The following ALG12 variants were observed in gnomAD, a reference collection of about 807,000 sequenced individuals.
The protein encoded by ALG12 is ALG12 alpha-1,6-mannosyltransferase.
In ALG12, 36 loss-of-function variants were observed where a neutral mutation model predicts 46.0. The observed-to-expected ratio is 0.78, with a 90% CI of 0.60 to 1.03. The LOEUF (loss-of-function observed/expected upper bound fraction) is 1.03. ALG12 is among the 50% of genes least tolerant of loss of function. ALG12 has a pLI of 0.00. For missense variants in ALG12, 599 were observed against 633.5 expected, an observed-to-expected ratio of 0.95 and a Z score of 0.58; for synonymous variants, 326 against 291.6, an observed-to-expected ratio of 1.12 and a Z score of -1.20.
At chr22:49,890,804 C>T in the ALG12 span, among the ~76,000 whole-genome samples, 1 of 152,256 alleles carries the variant, frequency 6.6e-6, no homozygotes, top group African/African-American at 2.4e-5. Flanking sequence ...ATCACGAGGT[C>T]AGGAAATCGA....
intron 3 of ALG12, 56 bp from the exon 4 acceptor site, chr22:49,910,663 C>T: frequency 4.4e-6 from 7 of 1,603,734 alleles, no homozygotes; most frequent in Non-Finnish European, 6.0e-6. Flanking sequence ...TCCAGTGGGG[C>T]CCCCTACGTG....
At chr22:49,886,174 G>A in the ALG12 span, 5 of 704,464 alleles carry the variant, frequency 7.1e-6, no homozygotes, top group Admixed American at 2.3e-5. This position sits in a 1 kb window ranked among gnomAD's most constrained non-coding sequence, Gnocchi z 7.7. Context: ...GATCGTCAGC[G>A]AGGCCATTAA....
intron 7 of ALG12, among the ~76,000 whole-genome samples, chr22:49,907,190 C>T (rs571807592): frequency 7.2e-5 from 11 of 152,326 alleles, no homozygotes; most frequent in Middle Eastern, 3.4e-3. Flanking sequence ...TGGCCACGAA[C>T]GCCCTTCCTC....
chr22:49,885,129 G>A, the ALG12 span: 4 of 1,614,082 alleles, frequency 2.5e-6, no homozygotes, highest in Non-Finnish European at 3.4e-6. Flanking sequence ...GGGGGAAGAA[G>A]GGTGATGTGG....
chr22:49,913,479 C>T lies in ALG12; in HGVS notation c.201G>A (p.Thr67=), dbSNP rs374597024. The change falls in exon 3 of 10, where the codon ACG becomes ACA. Residue 67 remains threonine, a synonymous_variant. Coordinates refer to ENST00000330817, the MANE Select transcript of ALG12 (RefSeq NM_024105.4). ...CTGCGATCACCACTGGCCCGAGGAA[C>T]GTCCTGGGGACGACTCCGGGGAACT... ...HLEFPGVVPR[T]FLGPVVIAVF... The T allele has an allele frequency of 8.7e-6, 14 of 1,613,992 alleles. No individual in the cohort carries two copies. The highest frequency in any genetic ancestry group is 1.3e-5 in the African/African-American group (1 of 75,080).
In ALG12 at chr22:49,905,585, G is replaced by A. The variant is rs1157606733; in HGVS notation, c.993-1079C>T. 4.6e-5 allele frequency among the ~76,000 whole-genome samples: 7 copies of A among 152,244 alleles called. No individual in the cohort carries two copies. The East Asian group carries it at 9.7e-4, about 21-fold the overall frequency. On this transcript the variant is annotated intron_variant, in intron 7 of 9. Transcript: ENST00000330817. This position sits in a 1 kb window ranked among gnomAD's most constrained non-coding sequence, Gnocchi z 4.9. ...GGTGACACCTCCCCCGTCCCTCTTCGTCCTGCTTTGGCCACATAAAAGCGT... is the reference window on the plus strand; with the variant it reads ...GGTGACACCTCCCCCGTCCCTCTTCATCCTGCTTTGGCCACATAAAAGCGT...
At position 49,907,937 on chromosome 22, in the gene ALG12, G is replaced by A. The variant is rs149109851; in HGVS notation, c.776C>T (p.Pro259Leu). The change falls in exon 7 of 10, where the codon CCG becomes CTG. Residue 259 changes from proline (P) to leucine (L), a missense_variant. By Grantham distance (98) the Pro-to-Leu change is moderately conservative (BLOSUM62 -3). Transcript: ENST00000330817. ...GGCTGAGTAGAAGTACCACAGCAGC[G>A]GGGAGGTCTGCGGGCTGGGTTAAGG... ...LNKSSNWGTS[P>L]LLWYFYSALP... 16 of 1,612,196 alleles carry A rather than the reference G, an allele frequency of 9.9e-6. No homozygotes were observed. The African/African-American group carries it at 1.2e-4, about 12-fold the overall frequency.
At chr22:49,909,700 G>A (rs1351462363) in intron 5 of ALG12, among the ~76,000 whole-genome samples, 194 bp downstream of exon 5, 1 of 152,238 alleles carries the variant, frequency 6.6e-6, no homozygotes, top group African/African-American at 2.4e-5. Flanking sequence ...CCAGTGAACA[G>A]GGGCTCCTAA....
At chr22:49,862,486 C>G in the ALG12 span, among the ~76,000 whole-genome samples, 1 of 152,100 alleles carries the variant, frequency 6.6e-6, no homozygotes, top group African/African-American at 2.4e-5. Context: ...AAATCAGTGT[C>G]TAGCGTAATG....
rs1380952174 is a variant in ALG12 at position 49,902,958 on chromosome 22, G to A, written c.*880C>T. 3.2e-6 allele frequency: 1 copy of A among 309,678 alleles called. No homozygotes were observed. The highest frequency in any genetic ancestry group is 5.0e-5 in the Admixed American group (1 of 19,826). The allele number at this position is 309,678 out of a possible 1,614,324, so 19.2% of individuals were successfully genotyped here. Reference sequence around the variant, plus strand: ...GGTGTGTGGTGTGTATGCATGGTGTGTGCACGTGTGCACTGTGTGCATGCG... The same window carrying A: ...GGTGTGTGGTGTGTATGCATGGTGTATGCACGTGTGCACTGTGTGCATGCG... On this transcript the variant is annotated 3_prime_UTR_variant, in exon 10 of 10. Coordinates refer to ENST00000330817, the MANE Select transcript of ALG12 (RefSeq NM_024105.4).
chr22:49,872,024 G>A, the ALG12 span, among the ~76,000 whole-genome samples: 10 of 152,220 alleles, frequency 6.6e-5, no homozygotes, highest in South Asian at 1.2e-3. Context: ...GATTACAGGC[G>A]TGAGCCACTG....
At chr22:49,886,272 G>A in the ALG12 span, 4 of 1,354,636 alleles carry the variant, frequency 3.0e-6, no homozygotes, top group South Asian at 2.6e-5. This position sits in a 1 kb window ranked among gnomAD's most constrained non-coding sequence, Gnocchi z 7.7. Flanking sequence ...AGGAGAAACT[G>A]GCCGAGCTGC....
downstream of ALG12, among the ~76,000 whole-genome samples, chr22:49,896,478 A>G (rs2060484001): frequency 6.6e-6 from 1 of 152,208 alleles, no homozygotes; most frequent in African/African-American, 2.4e-5. Context: ...GCCCTTATGC[A>G]GGCCCAGGTC....
the ALG12 span, chr22:49,883,617 A>G: frequency 1.4e-6 from 2 of 1,480,506 alleles, no homozygotes; most frequent in Non-Finnish European, 1.8e-6. Flanking sequence ...CACTTGGATC[A>G]GTGTTTTATG....
chr22:49,868,515 G>A, the ALG12 span, among the ~76,000 whole-genome samples: 1 of 152,112 alleles, frequency 6.6e-6, no homozygotes, highest in Non-Finnish European at 1.5e-5. Flanking sequence ...TGAGGCGGAG[G>A]TTGCAGTGAG....
intron 7 of ALG12, 120 bp downstream of exon 7, chr22:49,907,601 G>T: frequency 8.6e-7 from 1 of 1,159,210 alleles, no homozygotes; most frequent in Non-Finnish European, 1.2e-6. Flanking sequence ...ACTCCAGCTG[G>T]GCGACAGAGC....
chr22:49,910,888 G>A (rs1204044517), intron 3 of ALG12, among the ~76,000 whole-genome samples: 2 of 152,138 alleles, frequency 1.3e-5, no homozygotes, highest in Admixed American at 6.5e-5. Context: ...GGGGTGCCAC[G>A]AGCTGAGCCC....
downstream of ALG12, among the ~76,000 whole-genome samples, chr22:49,895,647 A>T (rs978991360): frequency 7.0e-6 from 1 of 143,712 alleles, no homozygotes; most frequent in Non-Finnish European, 1.5e-5. Flanking sequence ...GCGAGACTCC[A>T]TCTCAAAAAT....
In ALG12 at chr22:49,901,069, C is replaced by T. The variant is rs183676090; in HGVS notation, c.*2769G>A. On this transcript the variant is annotated 3_prime_UTR_variant, in exon 10 of 10. Coordinates refer to ENST00000330817, the MANE Select transcript of ALG12 (RefSeq NM_024105.4). ...CACAGGCAGAGCATGGCAGGGTTCC[C>T]GCCAGCAAATCTCGTACACTTTGAA... 3.7e-4 allele frequency: 56 copies of T among 152,364 alleles called. No homozygotes were observed. Among genetic ancestry groups the T allele is most frequent in the African/African-American group, 1.3e-3 (52 of 41,590 alleles). The allele number at this position is 152,364 out of a possible 1,614,324, so 9.4% of individuals were successfully genotyped here. A position where few individuals can be genotyped will look rare whatever the true frequency, so the allele number is the denominator to read the frequency against.
Sources: gnomAD v4.1 joint callset for allele counts (sites outside exome capture counted in the v4.1 genomes callset) on GRCh38, gnomAD v4.1.1 for gene constraint, Gnocchi (gnomAD v3.1) non-coding constraint, MANE v1.5 for transcripts, NCBI Gene and HGNC (gene_info 2026-07-23, HGNC 2026-07-21) for gene names.